The following KRIT1 variants were observed in gnomAD, a reference collection of about 807,000 sequenced individuals.
KRIT1 encodes krev interaction trapped protein 1.
Under a neutral mutation model 95.8 loss-of-function variants are expected in KRIT1, and 45 were observed. The ratio of observed to expected loss-of-function variants is 0.47; its 90% CI spans 0.37 to 0.60. The LOEUF is 0.60. Among genes scored for constraint, KRIT1 ranks in the 20% least tolerant of loss-of-function variants. KRIT1 has a pLI of 0.00. For synonymous variants in KRIT1, 282 were observed against 278.8 expected, an observed-to-expected ratio of 1.01 and a Z score of -0.11; for missense variants, 788 against 877.5, an observed-to-expected ratio of 0.90 and a Z score of 1.29.
chr7:92,205,634 G>A (rs1371381898), intron 17 of KRIT1: 1 of 151,892 alleles, frequency 6.6e-6, no homozygotes, highest in African/African-American at 2.4e-5. Context: ...TACTTGAGAG[G>A]CTAAAGCGGG....
chr7:92,213,945 T>G lies in KRIT1; in HGVS notation c.1765A>C (p.Lys589Gln). 6.2e-7 allele frequency: 1 copy of G among 1,610,288 alleles called. No individual in the cohort carries two copies. The highest frequency in any genetic ancestry group is 8.5e-7 in the Non-Finnish European group (1 of 1,176,698). ...CAGTGAGGTGCCTTACTTTTCAGTT[T>G]GGTAACAGGTACGATGGATTTTAGA... ...ENLKSIVPVT[K>Q]LKSKAPHWTN... Residue 589 changes from lysine to glutamine, a missense_variant, in exon 16 of 19, where the codon AAA becomes CAA. Coordinates refer to ENST00000394505, the MANE Select transcript of KRIT1 (RefSeq NM_194454.3).
chr7:92,221,760 T>C, intron 14 of KRIT1, 142 bp downstream of exon 14: 4 of 699,508 alleles, frequency 5.7e-6, no homozygotes, highest in Non-Finnish European at 9.9e-6. Context: ...TGTAAGTAGA[T>C]CAACTGAAAC....
chr7:92,221,860 T>C, intron 14 of KRIT1, 42 bp downstream of exon 14: 1 of 1,566,880 alleles, frequency 6.4e-7, no homozygotes, highest in Non-Finnish European at 8.8e-7. Context: ...CTCAACAGAT[T>C]TTGTGCATTT....
rs1563309392 is a variant in KRIT1 at position 92,236,440 on chromosome 7, G to GT, written c.457dup (p.Thr153AsnfsTer10). ...ATCCAAGGCTATTAACATCCTTGCT[G>GT]TAAGTGTAGCAAAATGAGTACTGGA... On this transcript the variant is annotated frameshift_variant, in exon 7 of 19. Transcript: ENST00000394505. LOFTEE classifies it high-confidence loss of function. The GT allele has an allele frequency of 4.4e-6, 7 of 1,604,900 alleles. No homozygotes were observed. The highest frequency in any genetic ancestry group is 6.0e-6 in the Non-Finnish European group (7 of 1,172,024).
chr7:92,244,875 G>T (rs1446750936), intron 2 of KRIT1, 27 bp downstream of exon 2: 1 of 152,296 alleles, frequency 6.6e-6, no homozygotes, highest in South Asian at 2.1e-4. Context: ...AGTGGAAGTG[G>T]TCCTTAATTA....
chr7:92,223,978 A>G (rs1304960612), intron 12 of KRIT1, among the ~76,000 whole-genome samples: 2 of 152,242 alleles, frequency 1.3e-5, no homozygotes, highest in Admixed American at 6.5e-5. Context: ...AACACTACAT[A>G]GTTAGAAAAT....
At chr7:92,213,438 T>G in intron 16 of KRIT1, 37 bp from the exon 17 acceptor site, 1 of 1,401,616 alleles carries the variant, frequency 7.1e-7, no homozygotes, top group Non-Finnish European at 1.0e-6. Context: ...ATAAAAGAGA[T>G]ATGAAAGGAA....
intron 7 of KRIT1, 141 bp from the exon 8 acceptor site, chr7:92,235,787 C>A: frequency 1.3e-6 from 1 of 750,564 alleles, no homozygotes; most frequent in Non-Finnish European, 2.1e-6. Context: ...TAGTTAAGTA[C>A]TTTATTATTT....
chr7:92,237,418 T>C (rs1477725815), intron 6 of KRIT1, among the ~76,000 whole-genome samples: 1 of 152,152 alleles, frequency 6.6e-6, no homozygotes, highest in Non-Finnish European at 1.5e-5. Context: ...ATTTCAATTA[T>C]GCCTTCCCTC....
chr7:92,216,724 A>G (rs1794075334), intron 14 of KRIT1, among the ~76,000 whole-genome samples: 1 of 152,210 alleles, frequency 6.6e-6, no homozygotes, highest in Non-Finnish European at 1.5e-5. Flanking sequence ...AATGGTGTAA[A>G]CTGTATTACT....
At chr7:92,223,813 A>G (rs1240876214) in intron 12 of KRIT1, among the ~76,000 whole-genome samples, 2 of 152,216 alleles carry the variant, frequency 1.3e-5, no homozygotes, top group African/African-American at 4.8e-5. Flanking sequence ...AAAATTCCAG[A>G]AAGTAGTAGC....
intron 10 of KRIT1, among the ~76,000 whole-genome samples, chr7:92,228,883 C>T (rs1416800183): frequency 6.6e-6 from 1 of 152,104 alleles, no homozygotes; most frequent in Non-Finnish European, 1.5e-5. Context: ...TAATGGTCTC[C>T]AGCTCCATCC....
rs1402607891 is a variant in KRIT1 at position 92,214,674 on chromosome 7, C to T, written c.1667G>A (p.Ser556Asn). The T allele has an allele frequency of 6.2e-7, 1 of 1,612,582 alleles. No individual in the cohort carries two copies. The highest frequency in any genetic ancestry group is 1.7e-5 in the Admixed American group (1 of 60,022). ...TCCATAGACTATTTGCAAAAGCAGA[C>T]TTGCCAATGTTATCAGCTTAGCATC... ...APDAKLITLASLLLQIVYGNY... is the reference protein window; with the variant it reads ...APDAKLITLANLLLQIVYGNY... Residue 556 changes from serine (S) to asparagine (N), a missense_variant, in exon 15 of 19, where the codon AGT becomes AAT. Coordinates refer to ENST00000394505, the MANE Select transcript of KRIT1 (RefSeq NM_194454.3).
intron 14 of KRIT1, among the ~76,000 whole-genome samples, chr7:92,215,116 AT>A (rs142152544): frequency 2.8e-4 from 42 of 151,966 alleles, no homozygotes; most frequent in Admixed American, 5.9e-4. Context: ...GGAAATAGTT[AT>A]TTTTTTTAAC....
chr7:92,240,829 T>C (rs1293034435), intron 5 of KRIT1, 164 bp downstream of exon 5: 1 of 630,840 alleles, frequency 1.6e-6, no homozygotes, highest in Non-Finnish European at 2.8e-6. Context: ...AGTTACATCT[T>C]GAAGGGGCTT....
chr7:92,211,790 T>C (rs1792899103), intron 17 of KRIT1, among the ~76,000 whole-genome samples: 2 of 152,090 alleles, frequency 1.3e-5, no homozygotes, highest in Non-Finnish European at 2.9e-5. Flanking sequence ...GTACAACTAC[T>C]ATGTATCAAT....
At chr7:92,213,082 G>C in intron 17 of KRIT1, 113 bp downstream of exon 17, 1 of 696,804 alleles carries the variant, frequency 1.4e-6, no homozygotes, top group South Asian at 1.6e-5. Context: ...TGTAATGAAT[G>C]AGTTGCAATG....
chr7:92,223,153 G>A (rs1795477482), intron 12 of KRIT1, among the ~76,000 whole-genome samples, 175 bp from the exon 13 acceptor site: 1 of 151,828 alleles, frequency 6.6e-6, no homozygotes, highest in African/African-American at 2.4e-5. Context: ...TTACTGGCCG[G>A]GCGCGGTGGC....
chr7:92,230,162 G>C (rs1796989334), intron 10 of KRIT1, among the ~76,000 whole-genome samples: 1 of 152,016 alleles, frequency 6.6e-6, no homozygotes, highest in African/African-American at 2.4e-5. Context: ...TATAATCATA[G>C]AAATTTATAA....
Sources: allele counts gnomAD v4.1 joint callset (sites outside exome capture counted in the v4.1 genomes callset), GRCh38; gene constraint gnomAD v4.1.1; transcripts MANE v1.5; gene names NCBI Gene and HGNC (gene_info 2026-07-23, HGNC 2026-07-21).